NDC1: variants seen among roughly 807,000 people sequenced by gnomAD.
The protein encoded by NDC1 is NDC1 transmembrane nucleoporin.
In NDC1, 24 loss-of-function variants were observed where a neutral mutation model predicts 89.8. The ratio of observed to expected loss-of-function variants is 0.27; its 90% CI spans 0.19 to 0.38. NDC1 has a LOEUF of 0.38. NDC1 is among the 10% of genes least tolerant of loss of function. The pLI is 1.00. For synonymous variants in NDC1, 296 were observed against 284.8 expected (o/e 1.04, Z -0.39); for missense variants, 728 against 797.6 (o/e 0.91, Z 1.05).
rs1009050991 is a variant in NDC1 at position 53,818,254 on chromosome 1, T to C, written c.703+717A>G. The stretch of plus-strand genomic sequence containing the variant: ...GAGTCCAAGACCAGCCTGGCCAACA[T>C]GGTGAAACCCCATCTCTACTAAAAA... On this transcript the variant is annotated intron_variant, in intron 6 of 17. Transcript: ENST00000371429. 3.3e-5 allele frequency among the ~76,000 whole-genome samples: 5 copies of C among 152,118 alleles called. No homozygotes were observed. In the South Asian group the frequency reaches 8.3e-4, roughly 25 times the overall value.
intron 6 of NDC1, among the ~76,000 whole-genome samples, chr1:53,813,845 G>C (rs1648391727): frequency 6.6e-6 from 1 of 152,074 alleles, no homozygotes; most frequent in South Asian, 2.1e-4. Context: ...ACAGCACATG[G>C]AACTTTCTCC....
chr1:53,830,337 C>T (rs931920098), intron 3 of NDC1, among the ~76,000 whole-genome samples: 1 of 151,842 alleles, frequency 6.6e-6, no homozygotes, highest in Non-Finnish European at 1.5e-5. Flanking sequence ...GCCTGTAATC[C>T]CAGCTACTCA....
At chr1:53,804,278 C>G (rs189353631) in intron 9 of NDC1, among the ~76,000 whole-genome samples, 13 of 152,264 alleles carry the variant, frequency 8.5e-5, no homozygotes, top group Non-Finnish European at 1.5e-4. Flanking sequence ...ACATCACTTC[C>G]TCCTGGAATT....
At chr1:53,779,119 CAAAAAAAAAAAA>C (rs11412563) in intron 16 of NDC1, among the ~76,000 whole-genome samples, 6 of 55,524 alleles carry the variant, frequency 1.1e-4, no homozygotes, top group Non-Finnish European at 3.5e-5. Flanking sequence ...GACTCTGTCG[CAAAAAAAAAAAA>C]AAAAAAAAAA....
chr1:53,786,232 T>C (rs1647305496), intron 16 of NDC1, among the ~76,000 whole-genome samples: 1 of 152,088 alleles, frequency 6.6e-6, no homozygotes, highest in South Asian at 2.1e-4. Context: ...GGCCTCCAGA[T>C]GCCATCTCTA....
At chr1:53,772,661 A>AATAACATAACATAACATAAC (rs369123839) in intron 16 of NDC1, among the ~76,000 whole-genome samples, 172 bp from the exon 17 acceptor site, 227 of 137,846 alleles carry the variant, frequency 1.6e-3, no homozygotes, top group Middle Eastern at 3.6e-3. Flanking sequence ...CCTGTCTCAA[A>AATAACATAACATAACATAAC]ATAACATAAC....
chr1:53,820,055 AAC>A (rs987817774), intron 5 of NDC1, among the ~76,000 whole-genome samples: 4 of 152,034 alleles, frequency 2.6e-5, no homozygotes, highest in African/African-American at 7.2e-5. Context: ...AGGGGTTCGT[AAC>A]CAGCCTGACC....
At chr1:53,821,953 A>C (rs556536700) in intron 5 of NDC1, among the ~76,000 whole-genome samples, 25 of 152,194 alleles carry the variant, frequency 1.6e-4, no homozygotes, top group Non-Finnish European at 2.9e-4. Context: ...CTATGGGTCC[A>C]TCATTAAGAA....
rs565084562 is a variant in NDC1 at position 53,833,751 on chromosome 1, T to C, written c.179-1160A>G. On this transcript the variant is annotated intron_variant, in intron 2 of 17. Transcript: ENST00000371429. Reference sequence around the variant, plus strand: ...TATATATAATGCCTAAAAATATGAATGAAATAAAAATAAGAGCATGTTTGC... The same window carrying C: ...TATATATAATGCCTAAAAATATGAACGAAATAAAAATAAGAGCATGTTTGC... Among the ~76,000 whole-genome samples, 3 of 152,096 alleles carry C rather than the reference T, an allele frequency of 2.0e-5. No individual in the cohort carries two copies. In the East Asian group the frequency reaches 5.8e-4, roughly 29 times the overall value.
intron 17 of NDC1, among the ~76,000 whole-genome samples, chr1:53,769,315 C>A (rs1647092469): frequency 6.6e-6 from 1 of 152,138 alleles, no homozygotes; most frequent in Admixed American, 6.5e-5. Flanking sequence ...GTAGGATGAA[C>A]AAGTCTAGAG....
intron 6 of NDC1, among the ~76,000 whole-genome samples, chr1:53,812,363 G>C (rs759479598): frequency 1.3e-5 from 2 of 152,202 alleles, no homozygotes; most frequent in Admixed American, 1.3e-4. Context: ...TCCAAAAAAT[G>C]ATACAAGAAG....
intron 5 of NDC1, among the ~76,000 whole-genome samples, chr1:53,824,182 G>A (rs1181188): frequency 1.1e-3 from 170 of 149,312 alleles, no homozygotes; most frequent in African/African-American, 4.1e-3. Context: ...TGCAGTGAGC[G>A]ATGATCGTGC....
Position 53,835,521 on chromosome 1 carries a change from G to A in NDC1, c.157C>T (p.His53Tyr). Residue 53 changes from histidine to tyrosine, a missense_variant, in exon 2 of 18, where the codon CAT becomes TAT. Physicochemically the swap from His to Tyr is moderately conservative, Grantham distance 83 (BLOSUM62 2). Transcript: ENST00000371429. ...CTACCAGACAGCCACTGTATAGGAT[G>A]AAACAAATCAATCCTGCTGAAAATT... is the stretch of plus-strand genomic sequence containing the variant. ...FIIFSRIDLF[H>Y]PIQWLSDSFS... The A allele has an allele frequency of 6.2e-7, 1 of 1,613,466 alleles. No homozygotes were observed.
At chr1:53,791,040 C>A (rs4927038) in intron 14 of NDC1, among the ~76,000 whole-genome samples, 12 of 152,094 alleles carry the variant, frequency 7.9e-5, no homozygotes, top group Non-Finnish European at 1.6e-4. Context: ...CCTCCTCCTA[C>A]CCTCTACCCA....
Position 53,807,801 on chromosome 1 carries a change from C to T in NDC1, c.756-10G>A. 1 of 1,588,916 alleles carries T rather than the reference C, an allele frequency of 6.3e-7. No individual in the cohort carries two copies. The highest frequency in any genetic ancestry group is 8.5e-7 in the Non-Finnish European group (1 of 1,173,292). On this transcript the variant is annotated splice_polypyrimidine_tract_variant and intron_variant, in intron 7 of 17. Transcript: ENST00000371429. ...TGGCCTATGAACCTGCCTGTGAATG[C>T]AGAAATTACTATTAATCCTCTAGGA...
rs1397776009 is a variant in NDC1, at chr1:53,835,591, A to C, written c.87T>G (p.Ile29Met). The change falls in exon 2 of 18, where the codon ATT (isoleucine) becomes ATG (methionine). Residue 29 changes from isoleucine (I) to methionine (M), a missense_variant. Coordinates refer to ENST00000371429, the MANE Select transcript of NDC1 (RefSeq NM_018087.5). ...RVLGWRIVAS[I>M]VWSVLFLPIC... ...TGGGTAGAAATAGCACTGACCAAAC[A>C]ATACTTGCAACTATCCTCCAGCCCA... The C allele has an allele frequency of 6.2e-7, 1 of 1,612,978 alleles. No individual in the cohort carries two copies. The highest frequency in any genetic ancestry group is 1.3e-5 in the African/African-American group (1 of 74,888).
intron 6 of NDC1, among the ~76,000 whole-genome samples, chr1:53,811,521 A>G (rs1648304606): frequency 6.6e-6 from 1 of 152,072 alleles, no homozygotes; most frequent in Non-Finnish European, 1.5e-5. Flanking sequence ...GACAGCCTGC[A>G]TGACTCAGCA....
intron 2 of NDC1, among the ~76,000 whole-genome samples, chr1:53,833,144 A>G (rs906414751): frequency 3.3e-5 from 5 of 152,042 alleles, no homozygotes; most frequent in African/African-American, 1.2e-4. Flanking sequence ...ACATGGCAAA[A>G]CTTTCTTTCT....
At chr1:53,809,649 A>C (rs1411750795) in intron 7 of NDC1, 46 bp downstream of exon 7, 1 of 1,367,292 alleles carries the variant, frequency 7.3e-7, no homozygotes. Context: ...AAACATCTAA[A>C]AGAATGGAAA....
Sources: gnomAD v4.1 joint callset for allele counts (sites outside exome capture counted in the v4.1 genomes callset) on GRCh38, gnomAD v4.1.1 for gene constraint, MANE v1.5 for transcripts, NCBI Gene and HGNC (gene_info 2026-07-23, HGNC 2026-07-21) for gene names.